TRDN: variants seen among roughly 807,000 people sequenced by gnomAD.
TRDN encodes triadin, also known as triadin in skeletal muscle.
In TRDN, 161 loss-of-function variants were observed where a neutral mutation model predicts 149.7. The observed-to-expected ratio is 1.08, with a 90% CI of 0.95 to 1.23. TRDN has a LOEUF of 1.23. TRDN is among the 50% of genes most tolerant of loss of function. The pLI is 0.00. For missense variants in TRDN, 896 were observed against 823.5 expected, an observed-to-expected ratio of 1.09 and a Z score of -1.08; for synonymous variants, 294 against 250.5, an observed-to-expected ratio of 1.17 and a Z score of -1.64.
At chr6:123,450,650 T>C (rs1257168621) in intron 10 of TRDN, among the ~76,000 whole-genome samples, 3 of 151,984 alleles carry the variant, frequency 2.0e-5, no homozygotes, top group Non-Finnish European at 2.9e-5. Flanking sequence ...ACAAAAATAG[T>C]GGGGGACTTT....
rs544520948 is a variant in TRDN at position 123,269,826 on chromosome 6, G to A, written c.1738+23C>T. The A allele has an allele frequency of 1.1e-4, 178 of 1,608,066 alleles. 1 individual carries two copies. In the South Asian group the frequency reaches 1.7e-3, roughly 15 times the overall value. ...GAAATGGTCAAGCGATATTTCTCAG[G>A]TGTTATTCTATTCATCTCTTACTTG... On this transcript the variant is annotated intron_variant, in intron 31 of 40. Coordinates refer to ENST00000334268, the MANE Select transcript of TRDN (RefSeq NM_006073.4).
At chr6:123,305,731 A>G (rs1413835506) in intron 24 of TRDN, among the ~76,000 whole-genome samples, 1 of 152,176 alleles carries the variant, frequency 6.6e-6, no homozygotes, top group Non-Finnish European at 1.5e-5. Flanking sequence ...TTGACTGGAT[A>G]ATGGCATAAT....
intron 8 of TRDN, chr6:123,503,499 T>C (rs2114831952): frequency 1.0e-6 from 1 of 984,610 alleles, no homozygotes; most frequent in East Asian, 1.1e-4. Context: ...TAAAAATACT[T>C]CAAAATGCCC....
At chr6:123,232,998 A>G (rs1272786520) in intron 38 of TRDN, among the ~76,000 whole-genome samples, 1 of 152,036 alleles carries the variant, frequency 6.6e-6, no homozygotes. Flanking sequence ...AACATGTGGA[A>G]TCCTTAGTCA....
chr6:123,522,422 A>G (rs1779725742), intron 5 of TRDN, among the ~76,000 whole-genome samples: 1 of 101,388 alleles, frequency 9.9e-6, no homozygotes, highest in African/African-American at 3.7e-5. Flanking sequence ...AATATACAAT[A>G]AACAAACAAC....
intron 2 of TRDN, among the ~76,000 whole-genome samples, chr6:123,553,427 CAAGAA>C (rs6149789): frequency 0.032 from 4,834 of 152,160 alleles, 104 homozygotes; most frequent in African/African-American, 0.066. Flanking sequence ...CACAGGAAGG[CAAGAA>C]AACAGGGGTC....
intron 6 of TRDN, 136 bp from the exon 7 acceptor site, chr6:123,512,498 C>T: frequency 3.8e-6 from 2 of 520,590 alleles, no homozygotes; most frequent in Non-Finnish European, 6.9e-6. Context: ...AAGTCTAATT[C>T]AGAAATAAAG....
chr6:123,451,280 CA>C (rs58893514), intron 10 of TRDN, among the ~76,000 whole-genome samples: 19,700 of 151,350 alleles, frequency 0.13, 1,461 homozygotes, highest in African/African-American at 0.21. Context: ...GAAACAACAA[CA>C]AAAAAATACA....
chr6:123,609,032 G>T (rs1784660298), intron 1 of TRDN, among the ~76,000 whole-genome samples: 1 of 151,928 alleles, frequency 6.6e-6, no homozygotes, highest in African/African-American at 2.4e-5. Flanking sequence ...AATTAGCAGG[G>T]CATGGTGGTG....
At chr6:123,443,860 T>C (rs1775105128) in intron 10 of TRDN, among the ~76,000 whole-genome samples, 1 of 151,002 alleles carries the variant, frequency 6.6e-6, no homozygotes, top group Non-Finnish European at 1.5e-5. Context: ...GAGGGCTCTG[T>C]TCTGTTCTAT....
At chr6:123,418,673 C>T (rs1375975684) in intron 12 of TRDN, 5 of 152,130 alleles carry the variant, frequency 3.3e-5, no homozygotes, top group South Asian at 2.1e-4. Context: ...TTCCTCTACA[C>T]TCAACCCCCA....
At chr6:123,305,266 G>A (rs929490149) in intron 24 of TRDN, among the ~76,000 whole-genome samples, 6 of 152,054 alleles carry the variant, frequency 3.9e-5, no homozygotes, top group Admixed American at 1.3e-4. Context: ...GCCTTGGTTT[G>A]GCTTCCTAGC....
chr6:123,541,788 T>C (rs1319497498), intron 4 of TRDN, among the ~76,000 whole-genome samples: 1 of 152,176 alleles, frequency 6.6e-6, no homozygotes, highest in African/African-American at 2.4e-5. Flanking sequence ...TTCTCCTTCC[T>C]TTTTTCATGC....
chr6:123,627,976 C>T (rs969674715), intron 1 of TRDN, among the ~76,000 whole-genome samples: 3 of 152,190 alleles, frequency 2.0e-5, no homozygotes, highest in Non-Finnish European at 2.9e-5. Flanking sequence ...TAGGCTTTGG[C>T]TGAAAGAGAA....
intron 2 of TRDN, among the ~76,000 whole-genome samples, chr6:123,553,363 C>T (rs1005896162): frequency 2.6e-5 from 4 of 152,074 alleles, no homozygotes; most frequent in African/African-American, 9.7e-5. Context: ...AAGGAAAGAA[C>T]AACTAAGAGG....
At chr6:123,465,009 GAA>G in intron 9 of TRDN, 26 bp from the exon 10 acceptor site, 6 of 1,437,914 alleles carry the variant, frequency 4.2e-6, no homozygotes, top group East Asian at 2.6e-5. Flanking sequence ...GTAGGAATTG[GAA>G]AAAAAAAAGT....
chr6:123,350,810 T>G (rs182273250), intron 21 of TRDN: 20,178 of 976,848 alleles, frequency 0.021, 222 homozygotes, highest in Non-Finnish European at 0.022. Flanking sequence ...AAGAACCTCA[T>G]TTTTTTCACA....
intron 4 of TRDN, among the ~76,000 whole-genome samples, chr6:123,546,295 T>G (rs187613451): frequency 5.9e-5 from 9 of 152,260 alleles, no homozygotes; most frequent in Non-Finnish European, 1.5e-5. Flanking sequence ...TTTGCCATAG[T>G]TGAGTTTGAC....
At chr6:123,620,995 T>G (rs1785353199) in intron 1 of TRDN, among the ~76,000 whole-genome samples, 1 of 152,096 alleles carries the variant, frequency 6.6e-6, no homozygotes, top group Non-Finnish European at 1.5e-5. Flanking sequence ...GAGATTCTAG[T>G]CATGGAGTGT....
Sources: allele counts gnomAD v4.1 joint callset (sites outside exome capture counted in the v4.1 genomes callset), GRCh38; gene constraint gnomAD v4.1.1; transcripts MANE v1.5; gene names NCBI Gene and HGNC (gene_info 2026-07-23, HGNC 2026-07-21).